SLC4A10: variants seen among roughly 807,000 people sequenced by gnomAD.
SLC4A10 encodes solute carrier family 4 member 10.
A neutral mutation model predicts 137.7 loss-of-function variants in SLC4A10; 42 were observed. That is an observed-to-expected ratio of 0.30 (90% confidence interval 0.24 to 0.39). The LOEUF (loss-of-function observed/expected upper bound fraction) is 0.39. Ranked by LOEUF, SLC4A10 falls within the 10% of genes least tolerant of loss-of-function variation. The probability of loss-of-function intolerance (pLI) is 1.00; values close to 1 mark genes in which losing one functional copy is unlikely to be tolerated. For missense variants in SLC4A10, 925 were observed against 1,355.0 expected (o/e 0.68, Z 4.98); for synonymous variants, 474 against 464.1 (o/e 1.02, Z -0.27).
At chr2:161,660,379 T>C (rs2038125136) in intron 1 of SLC4A10, among the ~76,000 whole-genome samples, 1 of 152,208 alleles carries the variant, frequency 6.6e-6, no homozygotes, top group Admixed American at 6.5e-5. Context: ...AAGGCATGAG[T>C]ATCCAAAATT....
intron 10 of SLC4A10, among the ~76,000 whole-genome samples, chr2:161,885,944 A>C (rs1386301439): frequency 6.6e-6 from 1 of 152,088 alleles, no homozygotes; most frequent in Non-Finnish European, 1.5e-5. Flanking sequence ...CTCTACCAAA[A>C]AATTCAAAAA....
chr2:161,888,888 T>A (rs1438657707), intron 10 of SLC4A10, among the ~76,000 whole-genome samples: 2 of 152,212 alleles, frequency 1.3e-5, no homozygotes, highest in Non-Finnish European at 2.9e-5. Flanking sequence ...TGCTTCCAGC[T>A]TTTGCCTATT....
chr2:161,653,667 T>C (rs948163850), intron 1 of SLC4A10, among the ~76,000 whole-genome samples: 2 of 152,254 alleles, frequency 1.3e-5, no homozygotes, highest in East Asian at 1.9e-4. Flanking sequence ...GACTGGCTTA[T>C]TTCACTTAGC....
intron 1 of SLC4A10, among the ~76,000 whole-genome samples, chr2:161,648,588 C>T (rs1358662877): frequency 1.3e-5 from 2 of 152,134 alleles, no homozygotes; most frequent in Admixed American, 6.5e-5. Flanking sequence ...CTAAGGTTTC[C>T]GTTGATCACC....
At chr2:161,900,555 A>C (rs1682855023) in intron 11 of SLC4A10, among the ~76,000 whole-genome samples, 1 of 151,990 alleles carries the variant, frequency 6.6e-6, no homozygotes, top group Admixed American at 6.6e-5. Flanking sequence ...TTGTCTCTTC[A>C]CTAACAGAAT....
Position 161,666,907 on chromosome 2 carries a change from A to C in SLC4A10, c.48+42341A>C, listed in dbSNP as rs547654729. 1.3e-4 allele frequency among the ~76,000 whole-genome samples: 20 copies of C among 151,814 alleles called. No homozygotes were observed. In the South Asian group the frequency reaches 4.1e-3, roughly 31 times the overall value. On this transcript the variant is annotated intron_variant, in intron 1 of 26. Transcript: ENST00000446997. ...TGCTTATAAGTTATATTCTATTAATAGGCTTGGTTACTTTGACACTATTGG... is the reference window on the plus strand; with the variant it reads ...TGCTTATAAGTTATATTCTATTAATCGGCTTGGTTACTTTGACACTATTGG...
At chr2:161,793,261 C>T (rs927741268) in intron 2 of SLC4A10, among the ~76,000 whole-genome samples, 10 of 152,078 alleles carry the variant, frequency 6.6e-5, no homozygotes, top group African/African-American at 1.9e-4. Context: ...AGCTAATTAA[C>T]ATATGCCTTA....
chr2:161,836,797 A>G (rs1243052416), intron 3 of SLC4A10, among the ~76,000 whole-genome samples: 2 of 152,170 alleles, frequency 1.3e-5, no homozygotes, highest in African/African-American at 2.4e-5. Context: ...GAAAACTAAA[A>G]ACAAAGAAAA....
rs1233078956 is a variant in SLC4A10, at chr2:161,983,186, A to T, written c.*34A>T. The T allele has an allele frequency of 7.2e-6, 11 of 1,536,632 alleles. No individual in the cohort carries two copies. The Admixed American group carries it at 1.4e-4, about 19-fold the overall frequency. On this transcript the variant is annotated 3_prime_UTR_variant, in exon 27 of 27. Transcript: ENST00000446997. The stretch of plus-strand genomic sequence containing the variant: ...CTTTTTTTCCTTCTGTAGCATTGAA[A>T]GCCGAAAAGAGAAGAAAGCTGACTC...
intron 3 of SLC4A10, 75 bp from the exon 4 acceptor site, chr2:161,839,714 G>T: frequency 6.5e-7 from 1 of 1,548,038 alleles, no homozygotes. Flanking sequence ...GGTGCTGAAG[G>T]CAGTGACTGG....
intron 5 of SLC4A10, 63 bp downstream of exon 5, chr2:161,855,193 C>T (rs2060033647): frequency 6.8e-7 from 1 of 1,470,568 alleles, no homozygotes; most frequent in African/African-American, 1.4e-5. Flanking sequence ...CTCTCTTTTC[C>T]TTATAATTCA....
At chr2:161,680,210 T>C (rs541319994) in intron 1 of SLC4A10, among the ~76,000 whole-genome samples, 28 of 152,166 alleles carry the variant, frequency 1.8e-4, no homozygotes, top group Non-Finnish European at 3.7e-4. Context: ...GATTCACTTA[T>C]TCATTTTCTC....
At chr2:161,694,529 A>G (rs1178951161) in intron 1 of SLC4A10, among the ~76,000 whole-genome samples, 1 of 151,976 alleles carries the variant, frequency 6.6e-6, no homozygotes, top group East Asian at 1.9e-4. Context: ...ACATATTTAA[A>G]GAGAGGAATT....
intron 11 of SLC4A10, among the ~76,000 whole-genome samples, chr2:161,899,455 G>A (rs1188227658): frequency 6.6e-6 from 1 of 151,822 alleles, no homozygotes; most frequent in Admixed American, 6.6e-5. Context: ...AAATACATAC[G>A]AGAACAATGA....
Position 161,873,926 on chromosome 2 carries a change from G to A in SLC4A10, c.869G>A (p.Gly290Asp), listed in dbSNP as rs760783234. The A allele has an allele frequency of 2.5e-6, 4 of 1,593,842 alleles. No individual in the cohort carries two copies. Among genetic ancestry groups the A allele is most frequent in the South Asian group, 1.1e-5 (1 of 89,890 alleles). ...STVDFSKGLG[G>D]QQKGHTSPCG... ...TAATTATGCGTGCAGGGACTGGGAG[G>A]CCAACAAAAGGGGCATACTAGTCCA... Residue 290 changes from glycine to aspartate, a missense_variant, in exon 8 of 27, where the codon GGC (glycine) becomes GAC (aspartate). This residue lies in a region of SLC4A10 where 277 missense variants were observed against 306.1 expected (regional missense o/e 0.90). Transcript: ENST00000446997.
intron 2 of SLC4A10, among the ~76,000 whole-genome samples, chr2:161,790,760 C>A (rs985931563): frequency 1.3e-5 from 2 of 152,022 alleles, no homozygotes; most frequent in Non-Finnish European, 1.5e-5. Context: ...AAATAAGAGA[C>A]AATTATTTTA....
At chr2:161,983,037 C>T in intron 26 of SLC4A10, 142 bp from the exon 27 acceptor site, 1 of 647,844 alleles carries the variant, frequency 1.5e-6, no homozygotes, top group South Asian at 2.1e-5. Flanking sequence ...TGCTGTCTAT[C>T]TGTGCTTCGC....
At chr2:161,658,378 A>G (rs1268958937) in intron 1 of SLC4A10, among the ~76,000 whole-genome samples, 1 of 152,190 alleles carries the variant, frequency 6.6e-6, no homozygotes, top group Non-Finnish European at 1.5e-5. Flanking sequence ...AGGAGAAAGC[A>G]TTCTTGAAAA....
chr2:161,909,647 C>T (rs948320046), intron 15 of SLC4A10, among the ~76,000 whole-genome samples: 2 of 152,172 alleles, frequency 1.3e-5, no homozygotes, highest in African/African-American at 2.4e-5. Flanking sequence ...ACACTGTGTA[C>T]ATGAATCTGA....
Sources: allele counts gnomAD v4.1 joint callset (sites outside exome capture counted in the v4.1 genomes callset), GRCh38; gene constraint gnomAD v4.1.1; regional missense constraint gnomAD v4.1.1; transcripts MANE v1.5; gene names NCBI Gene and HGNC (gene_info 2026-07-23, HGNC 2026-07-21).